Variants in RFX7 observed in about 807,000 individuals in gnomAD.
RFX7 encodes regulatory factor X7.
Under a neutral mutation model 111.8 loss-of-function variants are expected in RFX7, and 26 were observed. That is an observed-to-expected ratio of 0.23 (90% confidence interval 0.17 to 0.32). RFX7 has a LOEUF of 0.32. Ranked by LOEUF, RFX7 falls within the 10% of genes least tolerant of loss-of-function variation. The pLI, the probability that RFX7 is intolerant of heterozygous loss-of-function variation, is 1.00. For synonymous variants in RFX7, 624 were observed against 624.4 expected (o/e 1.00, Z 0.01); for missense variants, 1,573 against 1,772.9 (o/e 0.89, Z 2.02).
intron 5 of RFX7, among the ~76,000 whole-genome samples, chr15:56,115,298 C>T (rs947951184): frequency 6.6e-6 from 1 of 152,200 alleles, no homozygotes; most frequent in Non-Finnish European, 1.5e-5. Context: ...AGGGGTGAGC[C>T]GCTGGGATTA....
intron 2 of RFX7, among the ~76,000 whole-genome samples, chr15:56,180,169 G>A (rs2141133734): frequency 6.6e-6 from 1 of 152,152 alleles, no homozygotes; most frequent in Middle Eastern, 3.4e-3. Flanking sequence ...ACCAAAATTG[G>A]TTATTTGCCT....
chr15:56,127,090 G>C (rs960548637), intron 5 of RFX7, among the ~76,000 whole-genome samples: 3 of 152,024 alleles, frequency 2.0e-5, no homozygotes, highest in Non-Finnish European at 2.9e-5. Context: ...TATTCTCCAG[G>C]ATACATCATA....
At chr15:56,124,362 C>T (rs558027556) in intron 5 of RFX7, among the ~76,000 whole-genome samples, 3 of 151,168 alleles carry the variant, frequency 2.0e-5, no homozygotes, top group East Asian at 3.9e-4. Context: ...GCGGAGCTTG[C>T]AGTGAGCCGA....
intron 5 of RFX7, among the ~76,000 whole-genome samples, chr15:56,137,761 A>C (rs1451300561): frequency 6.6e-6 from 1 of 151,962 alleles, no homozygotes; most frequent in Non-Finnish European, 1.5e-5. Context: ...TAGTGCTATA[A>C]ATTTCCCTCT....
chr15:56,121,044 T>C (rs1026501785), intron 5 of RFX7, among the ~76,000 whole-genome samples: 1 of 152,208 alleles, frequency 6.6e-6, no homozygotes, highest in South Asian at 2.1e-4. Context: ...AGTGTTATAA[T>C]AGTCTGTGTT....
chr15:56,223,904 G>GT (rs1367687045), intron 2 of RFX7, among the ~76,000 whole-genome samples: 14 of 151,746 alleles, frequency 9.2e-5, no homozygotes, highest in South Asian at 6.2e-4. Context: ...GATAAAACTA[G>GT]TTTTTTTTCC....
intron 5 of RFX7, among the ~76,000 whole-genome samples, chr15:56,130,217 T>C (rs1002589886): frequency 3.3e-5 from 5 of 152,114 alleles, no homozygotes; most frequent in African/African-American, 1.2e-4. Context: ...ATTAAAAAGT[T>C]GAATTAGTGC....
intron 5 of RFX7, among the ~76,000 whole-genome samples, chr15:56,111,448 A>T (rs1595933755): frequency 6.6e-6 from 1 of 151,230 alleles, no homozygotes; most frequent in African/African-American, 2.4e-5. Flanking sequence ...GCTTGAAGGC[A>T]GCATGCTCGT....
chr15:56,230,947 A>C (rs2043548963), intron 2 of RFX7, among the ~76,000 whole-genome samples: 1 of 152,122 alleles, frequency 6.6e-6, no homozygotes, highest in Non-Finnish European at 1.5e-5. Context: ...ACAAAAACAA[A>C]ATTAGCTGGG....
At chr15:56,214,057 C>A (rs747002380) in intron 2 of RFX7, among the ~76,000 whole-genome samples, 12 of 152,132 alleles carry the variant, frequency 7.9e-5, no homozygotes, top group Non-Finnish European at 1.6e-4. Context: ...ATCAAGTATC[C>A]ATCATGCATG....
At chr15:56,155,050 G>T (rs2042633446) in intron 3 of RFX7, among the ~76,000 whole-genome samples, 1 of 152,154 alleles carries the variant, frequency 6.6e-6, no homozygotes, top group South Asian at 2.1e-4. Context: ...GGTCACTAGA[G>T]AAATGAAAAT....
At chr15:56,117,978 A>G (rs1370971717) in intron 5 of RFX7, among the ~76,000 whole-genome samples, 2 of 152,058 alleles carry the variant, frequency 1.3e-5, no homozygotes, top group Non-Finnish European at 2.9e-5. Flanking sequence ...CTTTGGCTAA[A>G]TGCTCAGCAG....
intron 5 of RFX7, among the ~76,000 whole-genome samples, chr15:56,139,984 C>T (rs1322296002): frequency 6.6e-6 from 1 of 152,176 alleles, no homozygotes; most frequent in East Asian, 1.9e-4. Flanking sequence ...CTCAGATCTC[C>T]AGCTGCGTGC....
chr15:56,102,145 A>G, intron 7 of RFX7, 24 bp downstream of exon 7: 2 of 1,554,760 alleles, frequency 1.3e-6, no homozygotes, highest in East Asian at 2.2e-5. Flanking sequence ...TTTACTTATT[A>G]AAAAGAAAAG....
In RFX7 at chr15:56,102,776, T is replaced by C. The variant is rs1049985608; in HGVS notation, c.519-523A>G. ...GGAAGCAAGAATAGGTCGTGCCAACTAGTGGTTAGAGAACACCTGGAACCA... is the reference window on the plus strand; with the variant it reads ...GGAAGCAAGAATAGGTCGTGCCAACCAGTGGTTAGAGAACACCTGGAACCA... On this transcript the variant is annotated intron_variant, in intron 6 of 9. Coordinates refer to ENST00000559447, the MANE Select transcript of RFX7 (RefSeq NM_022841.7). 8.5e-5 allele frequency among the ~76,000 whole-genome samples: 13 copies of C among 152,356 alleles called. 1 individual carries two copies. The highest frequency in any genetic ancestry group is 6.5e-4 in the Admixed American group (10 of 15,302).
intron 2 of RFX7, chr15:56,192,412 T>A (rs1240734184): frequency 3.6e-5 from 8 of 224,912 alleles, no homozygotes; most frequent in Non-Finnish European, 7.7e-5. Context: ...ATCAGCTTTT[T>A]CAAGGATGGG....
At chr15:56,222,032 T>A (rs180998803) in intron 2 of RFX7, among the ~76,000 whole-genome samples, 107 of 152,342 alleles carry the variant, frequency 7.0e-4, no homozygotes, top group African/African-American at 2.4e-3. Flanking sequence ...GGACTTATTT[T>A]AGCATTATTT....
chr15:56,212,687 A>C (rs190906327), intron 2 of RFX7, among the ~76,000 whole-genome samples: 1 of 152,248 alleles, frequency 6.6e-6, no homozygotes, highest in African/African-American at 2.4e-5. Flanking sequence ...TTTATTTTTT[A>C]AAAAAAGTTA....
Position 56,175,714 on chromosome 15 carries a change from T to C in RFX7, c.195+3556A>G, listed in dbSNP as rs143316839. On this transcript the variant is annotated intron_variant, in intron 3 of 9. Transcript: ENST00000559447. ...AAGTTCAACTTAAAGCAAACACAAA[T>C]TTAACACAAAATGGTTCAAACATCT... Among the ~76,000 whole-genome samples, 300 of 152,166 alleles carry C rather than the reference T, an allele frequency of 2.0e-3. 2 individuals are homozygous for C. The highest frequency in any genetic ancestry group is 6.1e-3 in the African/African-American group (254 of 41,538).
Sources: gnomAD v4.1 joint callset for allele counts (sites outside exome capture counted in the v4.1 genomes callset) on GRCh38, gnomAD v4.1.1 for gene constraint, MANE v1.5 for transcripts, NCBI Gene and HGNC (gene_info 2026-07-23, HGNC 2026-07-21) for gene names.